ZNF385D: variants seen among roughly 807,000 people sequenced by gnomAD.
ZNF385D encodes the protein zinc finger protein 659.
ZNF385D carries 15 observed loss-of-function variants against 35.8 expected under a neutral mutation model. The ratio of observed to expected loss-of-function variants is 0.42; its 90% CI spans 0.28 to 0.64. The LOEUF (loss-of-function observed/expected upper bound fraction) is 0.64. Among genes scored for constraint, ZNF385D ranks in the 30% least tolerant of loss-of-function variants. The pLI, the probability that ZNF385D is intolerant of heterozygous loss-of-function variation, is 0.23. For synonymous variants in ZNF385D, 212 were observed against 186.8 expected, an observed-to-expected ratio of 1.13 and a Z score of -1.10; for missense variants, 474 against 494.6, an observed-to-expected ratio of 0.96 and a Z score of 0.39.
intron 1 of ZNF385D, among the ~76,000 whole-genome samples, chr3:21,691,494 C>A (rs1338573884): frequency 2.0e-5 from 3 of 152,084 alleles, no homozygotes; most frequent in African/African-American, 4.8e-5. Flanking sequence ...TACCCAAAAA[C>A]GGACCCAAAT....
chr3:22,198,467 G>A (rs1446538607), intron 2 of ZNF385D, among the ~76,000 whole-genome samples: 3 of 152,026 alleles, frequency 2.0e-5, no homozygotes, highest in African/African-American at 7.2e-5. Context: ...ATGGGACCTT[G>A]TTTATAGAAA....
At chr3:22,190,944 A>G (rs1012133050) in intron 2 of ZNF385D, among the ~76,000 whole-genome samples, 2 of 152,170 alleles carry the variant, frequency 1.3e-5, no homozygotes, top group African/African-American at 2.4e-5. Flanking sequence ...AAAAGTACCT[A>G]AAAGTCATAT....
chr3:21,954,957 C>G (rs972180907), intron 3 of ZNF385D, among the ~76,000 whole-genome samples: 1 of 152,094 alleles, frequency 6.6e-6, no homozygotes, highest in East Asian at 1.9e-4. Context: ...GGCTGTCTAG[C>G]CTTCGAAACA....
At chr3:21,993,967 G>T (rs1415426048) in intron 3 of ZNF385D, among the ~76,000 whole-genome samples, 1 of 152,122 alleles carries the variant, frequency 6.6e-6, no homozygotes, top group Non-Finnish European at 1.5e-5. Context: ...GTGCCCAACT[G>T]CTAAGCTGCT....
chr3:22,164,988 G>T (rs541769707), intron 3 of ZNF385D, among the ~76,000 whole-genome samples: 1 of 152,306 alleles, frequency 6.6e-6, no homozygotes, highest in African/African-American at 2.4e-5. Context: ...ACCATAAAAA[G>T]ATCAGTGGTT....
chr3:22,333,625 C>A (rs1007815537), intron 2 of ZNF385D, among the ~76,000 whole-genome samples: 3 of 152,046 alleles, frequency 2.0e-5, no homozygotes, highest in Admixed American at 6.6e-5. Flanking sequence ...TTCTTTTTTA[C>A]ATATATTCTA....
At chr3:22,141,205 A>G (rs530882106) in intron 3 of ZNF385D, among the ~76,000 whole-genome samples, 1 of 152,336 alleles carries the variant, frequency 6.6e-6, no homozygotes, top group East Asian at 1.9e-4. Flanking sequence ...TGGATGCCGA[A>G]TGTACAACAA....
intron 3 of ZNF385D, among the ~76,000 whole-genome samples, chr3:21,780,669 G>A (rs1297536377): frequency 6.6e-6 from 1 of 152,048 alleles, no homozygotes; most frequent in Non-Finnish European, 1.5e-5. Flanking sequence ...TGGACTAATT[G>A]TATTTTACAT....
intron 3 of ZNF385D, among the ~76,000 whole-genome samples, chr3:22,096,049 A>G (rs1387465870): frequency 6.6e-6 from 1 of 152,018 alleles, no homozygotes; most frequent in Admixed American, 6.6e-5. Flanking sequence ...GAAGGAGAGA[A>G]TGTAGAAATG....
intron 3 of ZNF385D, among the ~76,000 whole-genome samples, chr3:21,949,341 A>G (rs887866522): frequency 6.6e-6 from 1 of 151,946 alleles, no homozygotes; most frequent in African/African-American, 2.4e-5. Context: ...TCCACTTGAG[A>G]ACCTGTGTTT....
At chr3:22,289,372 T>A (rs1702181982) in intron 2 of ZNF385D, among the ~76,000 whole-genome samples, 1 of 152,098 alleles carries the variant, frequency 6.6e-6, no homozygotes, top group Non-Finnish European at 1.5e-5. Context: ...AAAAATTCCT[T>A]CCAGAGAGAA....
intron 5 of ZNF385D, 93 bp downstream of exon 5, chr3:21,436,877 C>T: frequency 8.5e-7 from 1 of 1,182,192 alleles, no homozygotes. Flanking sequence ...AGTTTTCCTC[C>T]ACCCCTTTGT....
rs1451407126 is a variant in ZNF385D, at chr3:21,419,482, CT to C, written c.*1731del. The C allele has an allele frequency of 6.6e-6, 1 of 152,110 alleles. No homozygotes were observed. The highest frequency in any genetic ancestry group is 1.5e-5 in the Non-Finnish European group (1 of 68,012). 9.4% of individuals were successfully genotyped at this position (152,110 alleles called of 1,614,324 possible). On this transcript the variant is annotated 3_prime_UTR_variant, in exon 8 of 8. Transcript: ENST00000281523. ...TTATACCTCTCCAAGGGTTACAACA[CT>C]TTGAGAGCAGTTTCAGGAAGGCCAC...
intron 2 of ZNF385D, among the ~76,000 whole-genome samples, chr3:22,281,603 G>A (rs1178896644): frequency 6.6e-6 from 1 of 151,916 alleles, no homozygotes; most frequent in Admixed American, 6.6e-5. Flanking sequence ...TGATCACAGT[G>A]GATTATCTTT....
At chr3:22,151,776 T>A (rs1705253196) in intron 3 of ZNF385D, among the ~76,000 whole-genome samples, 1 of 152,100 alleles carries the variant, frequency 6.6e-6, no homozygotes, top group Non-Finnish European at 1.5e-5. Flanking sequence ...TATCTGGGTG[T>A]CATGGCATAA....
chr3:22,285,674 C>G (rs1358425343), intron 2 of ZNF385D, among the ~76,000 whole-genome samples: 1 of 151,854 alleles, frequency 6.6e-6, no homozygotes, highest in African/African-American at 2.4e-5. Context: ...TAATGCTCTC[C>G]CTCCCCCCTC....
chr3:22,237,993 T>C (rs1352855865), intron 2 of ZNF385D, among the ~76,000 whole-genome samples: 1 of 151,044 alleles, frequency 6.6e-6, no homozygotes, highest in Non-Finnish European at 1.5e-5. Context: ...TAGTCTGAGG[T>C]AGGGGTCCAA....
chr3:21,439,029 T>A (rs1336626995), intron 4 of ZNF385D, among the ~76,000 whole-genome samples: 1 of 152,102 alleles, frequency 6.6e-6, no homozygotes, highest in East Asian at 1.9e-4. Flanking sequence ...GAAATGATTG[T>A]TTGAAAGCAT....
At chr3:21,471,806 T>C (rs748339396) in intron 4 of ZNF385D, among the ~76,000 whole-genome samples, 2 of 152,172 alleles carry the variant, frequency 1.3e-5, no homozygotes, top group Non-Finnish European at 1.5e-5. Flanking sequence ...CTGAATATCT[T>C]TGAGCATTAA....
Sources: gnomAD v4.1 joint callset for allele counts (sites outside exome capture counted in the v4.1 genomes callset) on GRCh38, gnomAD v4.1.1 for gene constraint, MANE v1.5 for transcripts, NCBI Gene and HGNC (gene_info 2026-07-23, HGNC 2026-07-21) for gene names.